ANKAR: variants seen among roughly 807,000 people sequenced by gnomAD.
ANKAR encodes the protein ankyrin and armadillo repeat-containing protein.
Under a neutral mutation model 146.2 loss-of-function variants are expected in ANKAR, and 136 were observed. That is an observed-to-expected ratio of 0.93 (90% confidence interval 0.81 to 1.07). ANKAR has a LOEUF of 1.07. ANKAR is among the 50% of genes least tolerant of loss of function. ANKAR has a pLI of 0.00. For missense variants in ANKAR, 1,567 were observed against 1,679.9 expected, an observed-to-expected ratio of 0.93 and a Z score of 1.18; for synonymous variants, 500 against 575.8, an observed-to-expected ratio of 0.87 and a Z score of 1.88.
intron 2 of ANKAR, among the ~76,000 whole-genome samples, chr2:189,679,154 A>G (rs954322459): frequency 1.3e-4 from 20 of 152,188 alleles, no homozygotes; most frequent in African/African-American, 2.7e-4. Context: ...TTGATTAGGT[A>G]TATTCCTAAG....
In ANKAR at chr2:189,695,189, G is replaced by A. The variant is rs575210177; in HGVS notation, c.1488+28G>A. On this transcript the variant is annotated intron_variant, in intron 6 of 22. Transcript: ENST00000684021. ...ATTTCAGTGACTACCACATAATTTAGTATATGAAGTTATGTATTATTGATA... is the reference window on the plus strand; with the variant it reads ...ATTTCAGTGACTACCACATAATTTAATATATGAAGTTATGTATTATTGATA... 5.6e-5 allele frequency: 85 copies of A among 1,518,392 alleles called. No individual in the cohort carries two copies. In the African/African-American group the frequency reaches 1.0e-3, roughly 18 times the overall value. 94.1% of individuals were successfully genotyped at this position (1,518,392 alleles called of 1,614,324 possible).
At chr2:189,760,607 A>G (rs964875145) in intron 18 of ANKAR, among the ~76,000 whole-genome samples, 1 of 152,132 alleles carries the variant, frequency 6.6e-6, no homozygotes, top group Non-Finnish European at 1.5e-5. Flanking sequence ...CCTGGCCAAC[A>G]TGGTGAAACC....
chr2:189,704,673 A>G (rs1005046054), intron 7 of ANKAR, among the ~76,000 whole-genome samples: 2 of 146,886 alleles, frequency 1.4e-5, no homozygotes, highest in Non-Finnish European at 3.0e-5. Flanking sequence ...ATAGTTTACC[A>G]TAAGACTATT....
rs992749554 is a variant in ANKAR, at chr2:189,692,159, C to T, written c.1040-96C>T. 10 of 1,053,472 alleles carry T rather than the reference C, an allele frequency of 9.5e-6. No homozygotes were observed. The African/African-American group carries it at 1.7e-4, about 18-fold the overall frequency. 65.3% of individuals were successfully genotyped at this position (1,053,472 alleles called of 1,614,324 possible). A position where few individuals can be genotyped will look rare whatever the true frequency, so the allele number is the denominator to read the frequency against. ...AGATTTTAATTTCATCTGGAATTTTCTCACTTTGTTTACATGAATGAGAAG... is the reference window on the plus strand; with the variant it reads ...AGATTTTAATTTCATCTGGAATTTTTTCACTTTGTTTACATGAATGAGAAG... On this transcript the variant is annotated intron_variant, in intron 3 of 22. Transcript: ENST00000684021.
intron 18 of ANKAR, chr2:189,755,044 G>GT: frequency 9.2e-7 from 1 of 1,089,496 alleles, no homozygotes; most frequent in East Asian, 2.6e-5. Flanking sequence ...CTCACCATAT[G>GT]TGAATTTTTT....
At position 189,728,306 on chromosome 2, in the gene ANKAR, C is replaced by T. The variant is rs112951449; in HGVS notation, c.2917C>T (p.Leu973Phe). 8.1e-6 allele frequency: 13 copies of T among 1,612,626 alleles called. No individual in the cohort carries two copies. In the African/African-American group the frequency reaches 1.2e-4, roughly 15 times the overall value. The change falls in exon 14 of 23, where the codon CTT becomes TTT. Residue 973 changes from leucine to phenylalanine, a missense_variant. Transcript: ENST00000684021. ...TGTTAAGGAACAAGGAGCTGTTGCA[C>T]TTTGGGCCTTGGCAGGACAAACACT... ...IDVKEQGAVA[L>F]WALAGQTLKQ...
chr2:189,742,554 AT>A (rs142651739), intron 20 of ANKAR, among the ~76,000 whole-genome samples: 5 of 151,892 alleles, frequency 3.3e-5, no homozygotes, highest in Non-Finnish European at 5.9e-5. Context: ...TTAAAAAAAA[AT>A]TTTTTTAAAG....
At chr2:189,679,798 A>G (rs1413362508) in intron 2 of ANKAR, among the ~76,000 whole-genome samples, 2 of 152,230 alleles carry the variant, frequency 1.3e-5, no homozygotes, top group East Asian at 3.8e-4. Flanking sequence ...CATCCCTGGC[A>G]CGAAACCCAC....
rs1433392679 is a variant in ANKAR, at chr2:189,743,478, T to C, written c.4010+4T>C. The C allele has an allele frequency of 6.2e-7, 1 of 1,611,360 alleles. No homozygotes were observed. Among genetic ancestry groups the C allele is most frequent in the South Asian group, 1.1e-5 (1 of 90,824 alleles). On this transcript the variant is annotated splice_donor_region_variant and intron_variant, in intron 21 of 22. Coordinates refer to ENST00000684021, the MANE Select transcript of ANKAR (RefSeq NM_001378068.1). ...TGGTGGGACTTCCTTCCTTAAGGTA[T>C]GGTCCTATGTTAGAAGTTGCAGTAG...
intron 16 of ANKAR, among the ~76,000 whole-genome samples, chr2:189,731,074 G>A (rs2042353151): frequency 6.6e-6 from 1 of 152,158 alleles, no homozygotes; most frequent in South Asian, 2.1e-4. Flanking sequence ...TCTGTTGGCT[G>A]GAGGTAATAG....
At chr2:189,713,055 G>A (rs1243870575) in intron 10 of ANKAR, among the ~76,000 whole-genome samples, 4 of 152,090 alleles carry the variant, frequency 2.6e-5, no homozygotes, top group African/African-American at 2.4e-5. Context: ...GAAATAAAGC[G>A]AGAAGTTTAG....
At chr2:189,727,409 C>T (rs1239415027) in intron 12 of ANKAR, among the ~76,000 whole-genome samples, 2 of 151,546 alleles carry the variant, frequency 1.3e-5, no homozygotes, top group Admixed American at 6.6e-5. Context: ...GTGGTGCACA[C>T]CTGTAGTCCC....
intron 22 of ANKAR, among the ~76,000 whole-genome samples, chr2:189,746,018 A>G (rs1478527975): frequency 6.6e-6 from 1 of 152,260 alleles, no homozygotes; most frequent in Non-Finnish European, 1.5e-5. Flanking sequence ...GTAGTAACAT[A>G]AGAAAAAATA....
rs577825925 is a variant in ANKAR, at chr2:189,755,505, G to A, written c.*585-5593G>A. 16 of 1,601,456 alleles carry A rather than the reference G, an allele frequency of 1.0e-5. No homozygotes were observed. In the Admixed American group the frequency reaches 2.0e-4, roughly 20 times the overall value. On this transcript the variant is annotated intron_variant and NMD_transcript_variant, in intron 18 of 18. Coordinates refer to the ANKAR transcript ENST00000441800. ...GCAGAAAGAGCTTCTTGTACTATTCGTTGAATATTTTCTCTGTGAAGCTGT... is the reference window on the plus strand; with the variant it reads ...GCAGAAAGAGCTTCTTGTACTATTCATTGAATATTTTCTCTGTGAAGCTGT...
Position 189,695,041 on chromosome 2 carries a change from G to A in ANKAR, c.1368G>A (p.Trp456Ter). Residue 456 changes from tryptophan to a stop codon, truncating the protein, a stop_gained, in exon 6 of 23, where the codon TGG becomes TGA. Transcript: ENST00000684021. LOFTEE classifies it high-confidence loss of function. ...ATCAGCAACTATATAAGACACAGTG[G>A]TGGGGAGCCATAAATGAAATAGTGA... ...TFYQQLYKTQ[W>*]WGAINEIVNN... 2 of 1,611,960 alleles carry A rather than the reference G, an allele frequency of 1.2e-6. No individual in the cohort carries two copies. Among genetic ancestry groups the A allele is most frequent in the South Asian group, 1.1e-5 (1 of 90,754 alleles).
rs373806443 is a variant in ANKAR, at chr2:189,752,831, G to A, written c.*584+8043G>A. On this transcript the variant is annotated intron_variant and NMD_transcript_variant, in intron 18 of 18. Coordinates refer to the ANKAR transcript ENST00000441800. ...ATTTACATAGTTATGAGTGAAGCAC[G>A]TATATCCTGTGGCTTACCATGCAAT... The A allele has an allele frequency of 2.5e-5, 40 of 1,613,386 alleles. No individual in the cohort carries two copies. The African/African-American group carries it at 3.6e-4, about 15-fold the overall frequency.
rs1397564709 is a variant in ANKAR, at chr2:189,692,285, C to T, written c.1070C>T (p.Pro357Leu). ...AAGGTCAAGACAGAGCGAGAATTGCCTCCATTTATTTATGGAAGAGATTTT... is the reference window on the plus strand; with the variant it reads ...AAGGTCAAGACAGAGCGAGAATTGCTTCCATTTATTTATGGAAGAGATTTT... ...DDKVKTEREL[P>L]PFIYGRDFKC... The change falls in exon 4 of 23, where the codon CCT becomes CTT. Residue 357 changes from proline to leucine, a missense_variant. Coordinates refer to ENST00000684021, the MANE Select transcript of ANKAR (RefSeq NM_001378068.1). 3.1e-6 allele frequency: 5 copies of T among 1,611,872 alleles called. No individual in the cohort carries two copies. In the Admixed American group the frequency reaches 8.4e-5, roughly 27 times the overall value.
intron 10 of ANKAR, among the ~76,000 whole-genome samples, chr2:189,716,819 G>A (rs1190240619): frequency 6.6e-6 from 1 of 151,552 alleles, no homozygotes; most frequent in Admixed American, 6.6e-5. Flanking sequence ...TGACAAACCT[G>A]ACAAAAACAA....
At chr2:189,691,324 G>A (rs2036362399) in intron 3 of ANKAR, among the ~76,000 whole-genome samples, 1 of 152,198 alleles carries the variant, frequency 6.6e-6, no homozygotes, top group Non-Finnish European at 1.5e-5. Context: ...CCAGAGTGCT[G>A]GGATTACAGG....
Sources: gnomAD v4.1 joint callset for allele counts (sites outside exome capture counted in the v4.1 genomes callset) on GRCh38, gnomAD v4.1.1 for gene constraint, MANE v1.5 for transcripts, NCBI Gene and HGNC (gene_info 2026-07-23, HGNC 2026-07-21) for gene names.